The following CEP63 variants were observed in gnomAD, a reference collection of about 807,000 sequenced individuals.
CEP63 encodes centrosomal protein 63, also known as centrosomal protein of 63 kDa.
CEP63 carries 84 observed loss-of-function variants against 89.1 expected under a neutral mutation model. The ratio of observed to expected loss-of-function variants is 0.94; its 90% CI spans 0.79 to 1.13. The LOEUF is 1.13. CEP63 is among the 50% of genes most tolerant of loss of function. The pLI is 0.00. For missense variants in CEP63, 838 were observed against 813.3 expected (o/e 1.03, Z -0.37); for synonymous variants, 267 against 272.5 (o/e 0.98, Z 0.20).
chr3:134,639,129 G>GT, the CEP63 span, among the ~76,000 whole-genome samples: 1 of 138,634 alleles, frequency 7.2e-6, no homozygotes, highest in Non-Finnish European at 1.5e-5. Context: ...AGCATTGGTA[G>GT]TTTAAAAAAA....
At chr3:134,543,067 T>C (rs559955531) in intron 6 of CEP63, among the ~76,000 whole-genome samples, 1 of 152,336 alleles carries the variant, frequency 6.6e-6, no homozygotes, top group Non-Finnish European at 1.5e-5. Context: ...ATTGATGAAG[T>C]GTTCTTGAGA....
chr3:134,609,427 C>A, the CEP63 span, among the ~76,000 whole-genome samples: 1 of 152,144 alleles, frequency 6.6e-6, no homozygotes, highest in African/African-American at 2.4e-5. Context: ...TCTGTGAGTA[C>A]GCGAGCCCTG....
chr3:134,563,772 C>T lies in CEP63; in HGVS notation c.*2237C>T, dbSNP rs893250380. ...TAAAATCCAAATGAATTAGTATAGC[C>T]TACAGAGTGTCAATAATCTGGGCCT... On this transcript the variant is annotated 3_prime_UTR_variant, in exon 15 of 15. Coordinates refer to ENST00000675561, the MANE Select transcript of CEP63 (RefSeq NM_001353108.3). The T allele has an allele frequency of 1.3e-5, 2 of 152,240 alleles. No homozygotes were observed. The highest frequency in any genetic ancestry group is 2.9e-5 in the Non-Finnish European group (2 of 68,092). The allele number at this position is 152,240 out of a possible 1,614,324, so 9.4% of individuals were successfully genotyped here.
intron 11 of CEP63, 141 bp downstream of exon 11, chr3:134,550,401 A>G (rs1954546194): frequency 1.2e-6 from 1 of 827,684 alleles, no homozygotes. Context: ...TGGCTAGCAA[A>G]GAGTTTAGTG....
the CEP63 span, among the ~76,000 whole-genome samples, chr3:134,743,652 G>A: frequency 1.3e-5 from 2 of 152,230 alleles, no homozygotes; most frequent in Admixed American, 1.3e-4. Context: ...GCAGCAGTTT[G>A]CAGCAGGATT....
At chr3:134,757,108 T>A in the CEP63 span, among the ~76,000 whole-genome samples, 4 of 152,112 alleles carry the variant, frequency 2.6e-5, no homozygotes, top group Non-Finnish European at 1.5e-5. Context: ...ATGCTTTCCT[T>A]TTTCATCTTT....
chr3:134,558,319 A>G lies in CEP63; in HGVS notation c.1645A>G (p.Thr549Ala), dbSNP rs1956666020. 5 of 1,613,350 alleles carry G rather than the reference A, an allele frequency of 3.1e-6. No homozygotes were observed. The highest frequency in any genetic ancestry group is 4.2e-6 in the Non-Finnish European group (5 of 1,179,642). The change falls in exon 13 of 15, where the codon ACA becomes GCA. Residue 549 changes from threonine (T) to alanine (A), a missense_variant. Physicochemically the swap from Thr to Ala is moderately conservative, Grantham distance 58 (BLOSUM62 0). Coordinates refer to ENST00000675561, the MANE Select transcript of CEP63 (RefSeq NM_001353108.3). ...DRIFKPTHSR[T>A]TEFKNTEFKP... Reference sequence around the variant, plus strand: ...GATCTTTAAACCAACACACAGCAGAACAACTGAGTTCAAGAATACAGAGTT... The same window carrying G: ...GATCTTTAAACCAACACACAGCAGAGCAACTGAGTTCAAGAATACAGAGTT...
the CEP63 span, among the ~76,000 whole-genome samples, chr3:134,682,707 G>A: frequency 2.0e-5 from 3 of 152,180 alleles, no homozygotes; most frequent in Admixed American, 6.5e-5. Context: ...GCTGGCATTC[G>A]TCCCATGCTT....
intron 3 of CEP63, among the ~76,000 whole-genome samples, chr3:134,528,066 G>A (rs1035718360): frequency 1.1e-4 from 17 of 152,194 alleles, no homozygotes; most frequent in Admixed American, 3.3e-4. Context: ...CATGGTGGGC[G>A]AGAGGTTCCA....
the CEP63 span, among the ~76,000 whole-genome samples, chr3:134,688,565 A>C: frequency 6.6e-6 from 1 of 152,190 alleles, no homozygotes; most frequent in East Asian, 1.9e-4. Context: ...AAAAGCTTTG[A>C]ATTTGCAGTG....
the CEP63 span, among the ~76,000 whole-genome samples, chr3:134,712,489 A>G: frequency 6.6e-6 from 1 of 152,156 alleles, no homozygotes; most frequent in Non-Finnish European, 1.5e-5. Context: ...CAAATTTCAT[A>G]AAACTCCTTT....
intron 10 of CEP63, among the ~76,000 whole-genome samples, chr3:134,582,671 T>G (rs923856276): frequency 4.6e-5 from 7 of 152,210 alleles, no homozygotes; most frequent in African/African-American, 1.7e-4. Flanking sequence ...TAGCATGATT[T>G]ATAATCCTTT....
chr3:134,501,407 A>G (rs1046728512), intron 2 of CEP63, among the ~76,000 whole-genome samples: 5 of 152,192 alleles, frequency 3.3e-5, no homozygotes, highest in African/African-American at 1.2e-4. Flanking sequence ...TTGAATCTAT[A>G]GGTTGCTTTG....
the CEP63 span, among the ~76,000 whole-genome samples, chr3:134,698,030 G>A: frequency 2.6e-5 from 4 of 152,196 alleles, no homozygotes; most frequent in African/African-American, 4.8e-5. Context: ...GGAAGACTGC[G>A]TGCACAGTCT....
the CEP63 span, among the ~76,000 whole-genome samples, chr3:134,615,978 C>A: frequency 6.6e-6 from 1 of 152,186 alleles, no homozygotes; most frequent in Non-Finnish European, 1.5e-5. Context: ...GTAATAAGTG[C>A]CTGGCTTTAT....
chr3:134,777,774 G>A, the CEP63 span, among the ~76,000 whole-genome samples: 5 of 151,384 alleles, frequency 3.3e-5, no homozygotes, highest in South Asian at 4.2e-4. Flanking sequence ...CCACTATGCC[G>A]GGCTATTTTT....
the CEP63 span, among the ~76,000 whole-genome samples, chr3:134,722,378 CT>C: frequency 6.6e-6 from 1 of 151,470 alleles, no homozygotes; most frequent in South Asian, 2.1e-4. Flanking sequence ...ATCCCTTTTA[CT>C]TCTGTAAGTT....
chr3:134,597,104 G>A, the CEP63 span, among the ~76,000 whole-genome samples: 1 of 152,174 alleles, frequency 6.6e-6, no homozygotes, highest in Non-Finnish European at 1.5e-5. Context: ...AGCAGTGTGA[G>A]GCCAGAGTGG....
At chr3:134,742,853 A>G in the CEP63 span, among the ~76,000 whole-genome samples, 1 of 152,168 alleles carries the variant, frequency 6.6e-6, no homozygotes, top group Non-Finnish European at 1.5e-5. Context: ...TTGATTGTGG[A>G]CTTCCAGCCT....
Sources: allele counts gnomAD v4.1 joint callset (sites outside exome capture counted in the v4.1 genomes callset), GRCh38; gene constraint gnomAD v4.1.1; transcripts MANE v1.5; gene names NCBI Gene and HGNC (gene_info 2026-07-23, HGNC 2026-07-21).